Variants in TMEM114 observed in about 807,000 individuals in gnomAD.
TMEM114 encodes the protein claudin-26.
Under a neutral mutation model 6.2 loss-of-function variants are expected in TMEM114, and 6 were observed. The observed-to-expected ratio is 0.97, with a 90% CI of 0.53 to 1.91. The LOEUF is 1.91. TMEM114 is among the 40% of genes most tolerant of loss of function. The pLI is 0.01. For missense variants in TMEM114, 218 were observed against 158.3 expected (o/e 1.38, Z -2.02); for synonymous variants, 104 against 73.0 (o/e 1.42, Z -2.16).
chr16:8,560,814 G>C (rs997362184), intron 2 of TMEM114, among the ~76,000 whole-genome samples: 4 of 152,208 alleles, frequency 2.6e-5, no homozygotes, highest in Non-Finnish European at 2.9e-5. Flanking sequence ...ATTGGGGACT[G>C]AGGCTGGGTG....
At chr16:8,531,536 T>C in the TMEM114 span, among the ~76,000 whole-genome samples, 3 of 152,174 alleles carry the variant, frequency 2.0e-5, no homozygotes, top group African/African-American at 7.2e-5. Flanking sequence ...CACAGCAAGA[T>C]AGCAGAGGTA....
At position 8,569,917 on chromosome 16, in the gene TMEM114, G is replaced by T. The variant is rs941417178; in HGVS notation, c.528C>A (p.Ala176=). ...REALCLLEEK[A]LLDQVDISFG... is the part of the protein sequence containing the mutation. ...AGCTGATGTCCACCTGGTCCAGGAG[G>T]GCCTTCTCCTCCAAGAGACACAGCG... is the stretch of plus-strand genomic sequence containing the variant. The change falls in exon 4 of 4, where the codon GCC becomes GCA. Residue 176 remains alanine (A), a synonymous_variant. Transcript: ENST00000620492. The T allele has an allele frequency of 1.5e-5, 23 of 1,551,174 alleles. No homozygotes were observed. The highest frequency in any genetic ancestry group is 1.9e-5 in the Non-Finnish European group (22 of 1,146,964).
intron 2 of TMEM114, among the ~76,000 whole-genome samples, chr16:8,561,941 T>G (rs1417955610): frequency 6.6e-6 from 1 of 151,632 alleles, no homozygotes; most frequent in Non-Finnish European, 1.5e-5. Context: ...AGTGAGTAAG[T>G]GAATGAGTGA....
chr16:8,530,898 G>C, the TMEM114 span, among the ~76,000 whole-genome samples: 3 of 152,136 alleles, frequency 2.0e-5, no homozygotes, highest in South Asian at 6.2e-4. Flanking sequence ...GGTGGCATAC[G>C]CATATAATCC....
intron 2 of TMEM114, among the ~76,000 whole-genome samples, chr16:8,560,418 C>G (rs1901161635): frequency 6.6e-6 from 1 of 152,114 alleles, no homozygotes; most frequent in Non-Finnish European, 1.5e-5. Context: ...AGCCTTGGAA[C>G]TTGCCCTGGA....
chr16:8,529,759 AG>A, the TMEM114 span, among the ~76,000 whole-genome samples: 1 of 152,098 alleles, frequency 6.6e-6, no homozygotes, highest in African/African-American at 2.4e-5. Flanking sequence ...TGATGTCTCA[AG>A]TCTCACCCCC....
chr16:8,551,112 C>T (rs1215285240), intron 2 of TMEM114, among the ~76,000 whole-genome samples: 1 of 152,206 alleles, frequency 6.6e-6, no homozygotes, highest in Non-Finnish European at 1.5e-5. Context: ...GTGCTGCGGT[C>T]TCTGGCACTG....
chr16:8,535,376 CT>C, downstream of TMEM114, among the ~76,000 whole-genome samples: 1 of 151,908 alleles, frequency 6.6e-6, no homozygotes, highest in South Asian at 2.1e-4. Context: ...AAACATAGAT[CT>C]CCAGGAACCA....
chr16:8,578,201 T>C (rs1902008399), intron 2 of TMEM114, among the ~76,000 whole-genome samples: 1 of 152,140 alleles, frequency 6.6e-6, no homozygotes, highest in African/African-American at 2.4e-5. Flanking sequence ...CTGTAACACA[T>C]GAAGGCAAAC....
At chr16:8,556,149 T>A (rs1285256023) in intron 2 of TMEM114, among the ~76,000 whole-genome samples, 1 of 152,174 alleles carries the variant, frequency 6.6e-6, no homozygotes, top group African/African-American at 2.4e-5. Flanking sequence ...CAATTCTACC[T>A]CGTAAATGCC....
At chr16:8,556,316 A>T (rs574201916) in intron 2 of TMEM114, among the ~76,000 whole-genome samples, 1 of 152,294 alleles carries the variant, frequency 6.6e-6, no homozygotes, top group South Asian at 2.1e-4. Flanking sequence ...TCTAGGGCAC[A>T]AAAGTATCGC....
intron 2 of TMEM114, among the ~76,000 whole-genome samples, chr16:8,545,276 A>G (rs1211592378): frequency 6.6e-6 from 1 of 152,056 alleles, no homozygotes; most frequent in East Asian, 1.9e-4. Context: ...CTTATCTACA[A>G]AAAATAAAAA....
At chr16:8,531,534 G>A in the TMEM114 span, among the ~76,000 whole-genome samples, 1 of 152,216 alleles carries the variant, frequency 6.6e-6, no homozygotes, top group Non-Finnish European at 1.5e-5. Flanking sequence ...GCCACAGCAA[G>A]ATAGCAGAGG....
chr16:8,565,204 T>C (rs1485778431), downstream of TMEM114, among the ~76,000 whole-genome samples: 2 of 152,088 alleles, frequency 1.3e-5, no homozygotes, highest in East Asian at 1.9e-4. Flanking sequence ...GGAAAATGTA[T>C]GAATAAATGA....
intron 2 of TMEM114, among the ~76,000 whole-genome samples, chr16:8,554,283 G>C (rs1724666603): frequency 6.6e-6 from 1 of 152,062 alleles, no homozygotes; most frequent in Admixed American, 6.6e-5. Context: ...GGGGCGGACA[G>C]AGTGGCTCAA....
chr16:8,581,745 C>T lies in TMEM114; in HGVS notation c.301+7468G>A, dbSNP rs140488579. ...CTGGGATTACAGGTGTGCGCCACTG[C>T]GCCCAGCCAGAAGTGGACTTACTTT... On this transcript the variant is annotated intron_variant, in intron 2 of 3. Transcript: ENST00000620492. Among the ~76,000 whole-genome samples, 22 of 152,386 alleles carry T rather than the reference C, an allele frequency of 1.4e-4. No homozygotes were observed. The East Asian group carries it at 3.5e-3, about 24-fold the overall frequency.
intron 2 of TMEM114, among the ~76,000 whole-genome samples, chr16:8,559,176 G>A (rs1180213036): frequency 6.6e-6 from 1 of 152,020 alleles, no homozygotes; most frequent in African/African-American, 2.4e-5. Flanking sequence ...CTGGTTAGCT[G>A]GGACTATACG....
chr16:8,568,322 T>A (rs1235566607), downstream of TMEM114, among the ~76,000 whole-genome samples: 1 of 152,128 alleles, frequency 6.6e-6, no homozygotes, highest in African/African-American at 2.4e-5. Flanking sequence ...GAGTGTTTGT[T>A]GAATGACTGA....
chr16:8,584,802 A>C (rs1902262147), intron 2 of TMEM114, among the ~76,000 whole-genome samples: 1 of 151,898 alleles, frequency 6.6e-6, no homozygotes. Context: ...GGCATCTGTA[A>C]TCCCAGCTAC....
Sources: allele counts gnomAD v4.1 joint callset (sites outside exome capture counted in the v4.1 genomes callset), GRCh38; gene constraint gnomAD v4.1.1; transcripts MANE v1.5; gene names NCBI Gene and HGNC (gene_info 2026-07-23, HGNC 2026-07-21).